SCFD1: variants seen among roughly 807,000 people sequenced by gnomAD.
The protein encoded by SCFD1 is sec1 family domain containing 1.
In SCFD1, 37 loss-of-function variants were observed where a neutral mutation model predicts 103.2. That is an observed-to-expected ratio of 0.36 (90% CI 0.28 to 0.47). The LOEUF (loss-of-function observed/expected upper bound fraction) is 0.47. SCFD1 is among the 20% of genes least tolerant of loss of function. SCFD1 has a pLI of 1.00. For missense variants in SCFD1, 639 were observed against 761.2 expected (o/e 0.84, Z 1.89); for synonymous variants, 264 against 245.0 (o/e 1.08, Z -0.73).
chr14:30,662,871 A>G (rs1253844160), intron 10 of SCFD1, among the ~76,000 whole-genome samples: 4 of 152,152 alleles, frequency 2.6e-5, no homozygotes. Flanking sequence ...GATGGGATCT[A>G]TTTATATGTA....
chr14:30,696,425 A>G (rs556204927), intron 15 of SCFD1, among the ~76,000 whole-genome samples: 2 of 152,214 alleles, frequency 1.3e-5, no homozygotes, highest in Admixed American at 6.5e-5. Flanking sequence ...CAGAAAGGCA[A>G]TCAGTCCTGC....
intron 23 of SCFD1, among the ~76,000 whole-genome samples, chr14:30,734,064 G>A (rs1397961634): frequency 6.6e-6 from 1 of 152,118 alleles, no homozygotes; most frequent in African/African-American, 2.4e-5. Flanking sequence ...TCTAGGACAT[G>A]TATTCAGCCA....
intron 1 of SCFD1, among the ~76,000 whole-genome samples, chr14:30,626,687 A>G (rs559299348): frequency 1.6e-4 from 24 of 152,040 alleles, no homozygotes; most frequent in Non-Finnish European, 3.4e-4. Context: ...GGACTCTCCT[A>G]TGTGTGTTGC....
intron 23 of SCFD1, among the ~76,000 whole-genome samples, chr14:30,727,524 TAGAC>T (rs1457768094): frequency 6.6e-6 from 1 of 152,218 alleles, no homozygotes; most frequent in Non-Finnish European, 1.5e-5. Flanking sequence ...CAACCCATCT[TAGAC>T]AGCTTCAAAT....
At chr14:30,624,356 C>T (rs933590489) in intron 1 of SCFD1, among the ~76,000 whole-genome samples, 1 of 152,202 alleles carries the variant, frequency 6.6e-6, no homozygotes, top group Non-Finnish European at 1.5e-5. Flanking sequence ...TCAGTATTAT[C>T]TGTATGTTGA....
At chr14:30,645,227 C>T (rs573079571) in intron 7 of SCFD1, among the ~76,000 whole-genome samples, 5 of 151,788 alleles carry the variant, frequency 3.3e-5, no homozygotes, top group South Asian at 4.2e-4. Context: ...TGGTTACTAC[C>T]GTAAAAGCCG....
chr14:30,719,722 A>G lies in SCFD1; in HGVS notation c.1736+345A>G, dbSNP rs539757483. Among the ~76,000 whole-genome samples, 11 of 152,292 alleles carry G rather than the reference A, an allele frequency of 7.2e-5. No homozygotes were observed. The South Asian group carries it at 2.3e-3, about 32-fold the overall frequency. On this transcript the variant is annotated intron_variant, in intron 21 of 24. Transcript: ENST00000458591. ...ACCAATTGAAAAAAATAGGAGCTTT[A>G]TATTGGATACCAGTTGTTTGGTTGT...
In SCFD1 at chr14:30,708,008, G is replaced by C; in HGVS notation, c.1572G>C (p.Met524Ile). The change falls in exon 19 of 25, where the codon ATG becomes ATC. Residue 524 changes from methionine (M) to isoleucine (I), a missense_variant. Transcript: ENST00000458591. ...TKPMGLLSRV[M>I]NTGSQFVMEG... ...TACCTAGTCTTTTATCACGAGTCATGAATACAGGATCACAGTTTGTGATGG... is the reference window on the plus strand; with the variant it reads ...TACCTAGTCTTTTATCACGAGTCATCAATACAGGATCACAGTTTGTGATGG... The C allele has an allele frequency of 1.2e-6, 2 of 1,613,100 alleles. No individual in the cohort carries two copies. Among genetic ancestry groups the C allele is most frequent in the Non-Finnish European group, 1.7e-6 (2 of 1,179,178 alleles).
chr14:30,680,391 A>T (rs992850917), intron 14 of SCFD1, among the ~76,000 whole-genome samples: 1 of 152,096 alleles, frequency 6.6e-6, no homozygotes, highest in Non-Finnish European at 1.5e-5. Context: ...TCACTGTTAC[A>T]TAAGATATTT....
chr14:30,691,174 T>C (rs1407435427), intron 14 of SCFD1, among the ~76,000 whole-genome samples: 1 of 152,248 alleles, frequency 6.6e-6, no homozygotes, highest in Non-Finnish European at 1.5e-5. Context: ...ACTTCTACTC[T>C]GGTAGTCTTG....
At chr14:30,635,343 G>A (rs939897986) in intron 4 of SCFD1, among the ~76,000 whole-genome samples, 1 of 152,026 alleles carries the variant, frequency 6.6e-6, no homozygotes, top group East Asian at 1.9e-4. Flanking sequence ...ACAGAGTTTT[G>A]CAACCATCAC....
chr14:30,645,881 C>T (rs1274167009), intron 7 of SCFD1, among the ~76,000 whole-genome samples: 1 of 152,072 alleles, frequency 6.6e-6, no homozygotes, highest in African/African-American at 2.4e-5. Context: ...GAATGGGTGT[C>T]CTTGTCTTAT....
chr14:30,701,566 A>C (rs1194861874), intron 16 of SCFD1, among the ~76,000 whole-genome samples: 6 of 152,082 alleles, frequency 3.9e-5, no homozygotes, highest in Non-Finnish European at 7.4e-5. Flanking sequence ...AAAAAAAAGT[A>C]TCTCTCTCAT....
intron 3 of SCFD1, among the ~76,000 whole-genome samples, chr14:30,631,875 G>A (rs552656824): frequency 6.6e-5 from 10 of 151,582 alleles, no homozygotes; most frequent in Non-Finnish European, 7.4e-5. Flanking sequence ...GTGAAACCCC[G>A]TCTCTACTAA....
chr14:30,722,461 TG>T (rs776457517), intron 22 of SCFD1, 32 bp from the exon 23 acceptor site: 19 of 1,433,574 alleles, frequency 1.3e-5, no homozygotes, highest in African/African-American at 1.2e-4. Context: ...CTAAAAACTG[TG>T]TTTTTTTTTT....
chr14:30,668,527 A>G (rs1429781990), intron 10 of SCFD1, among the ~76,000 whole-genome samples: 1 of 152,224 alleles, frequency 6.6e-6, no homozygotes, highest in African/African-American at 2.4e-5. Flanking sequence ...AGCAATGGCA[A>G]CAAAAGCCAA....
chr14:30,650,328 A>T (rs1886281736), intron 8 of SCFD1, among the ~76,000 whole-genome samples: 1 of 152,204 alleles, frequency 6.6e-6, no homozygotes, highest in Non-Finnish European at 1.5e-5. Context: ...AGTCAATGAA[A>T]GGTTCTTCTT....
chr14:30,727,349 A>G (rs530647115), intron 23 of SCFD1, among the ~76,000 whole-genome samples: 1 of 152,360 alleles, frequency 6.6e-6, no homozygotes, highest in Admixed American at 6.5e-5. Flanking sequence ...TTCAGAGACA[A>G]CGTGTCCTAA....
intron 19 of SCFD1, among the ~76,000 whole-genome samples, chr14:30,712,300 C>A (rs954696044): frequency 6.6e-6 from 1 of 152,130 alleles, no homozygotes; most frequent in African/African-American, 2.4e-5. Flanking sequence ...ATAATCAAGA[C>A]AGTAGCAATT....
Sources: allele counts gnomAD v4.1 joint callset (sites outside exome capture counted in the v4.1 genomes callset), GRCh38; gene constraint gnomAD v4.1.1; transcripts MANE v1.5; gene names NCBI Gene and HGNC (gene_info 2026-07-23, HGNC 2026-07-21).